CBLB: variants seen among roughly 807,000 people sequenced by gnomAD.
The protein encoded by CBLB is E3 ubiquitin-protein ligase CBL-B.
In CBLB, 31 loss-of-function variants were observed where a neutral mutation model predicts 104.9. The ratio of observed to expected loss-of-function variants is 0.30; its 90% CI spans 0.22 to 0.40. The LOEUF is 0.40. CBLB is among the 10% of genes least tolerant of loss of function. CBLB has a pLI of 1.00. For synonymous variants in CBLB, 440 were observed against 422.6 expected, an observed-to-expected ratio of 1.04 and a Z score of -0.51; for missense variants, 1,062 against 1,214.6, an observed-to-expected ratio of 0.87 and a Z score of 1.87.
chr3:105,713,789 C>T (rs890547992), intron 10 of CBLB, among the ~76,000 whole-genome samples: 1 of 152,104 alleles, frequency 6.6e-6, no homozygotes, highest in Non-Finnish European at 1.5e-5. Context: ...CACGGCTCTA[C>T]CTAAATGTTG....
chr3:105,782,457 C>T (rs1265319603), intron 3 of CBLB, among the ~76,000 whole-genome samples: 1 of 152,114 alleles, frequency 6.6e-6, no homozygotes, highest in Non-Finnish European at 1.5e-5. Context: ...GAAGATCTTA[C>T]ATTTCCTTTG....
chr3:105,661,634 T>C (rs538294304), intron 18 of CBLB, among the ~76,000 whole-genome samples: 11 of 152,284 alleles, frequency 7.2e-5, no homozygotes, highest in African/African-American at 2.6e-4. Context: ...ATGCCAGGCA[T>C]GTTTGAAAAG....
intron 3 of CBLB, among the ~76,000 whole-genome samples, chr3:105,834,823 C>T (rs546716146): frequency 3.7e-4 from 56 of 151,964 alleles, no homozygotes; most frequent in African/African-American, 1.3e-3. Context: ...GGAAGATGTG[C>T]CCTGCTTTTA....
At chr3:105,863,194 T>G (rs1367889384) in intron 2 of CBLB, among the ~76,000 whole-genome samples, 1 of 152,210 alleles carries the variant, frequency 6.6e-6, no homozygotes, top group Non-Finnish European at 1.5e-5. Context: ...CCAAGGTAAG[T>G]CTTCATATGA....
intron 3 of CBLB, among the ~76,000 whole-genome samples, chr3:105,841,516 G>A (rs1454630052): frequency 1.3e-5 from 2 of 150,238 alleles, no homozygotes; most frequent in Non-Finnish European, 3.0e-5. Context: ...GCAGTGGTGT[G>A]ATCTCGGCTC....
chr3:105,659,224 A>G lies in CBLB; in HGVS notation c.2695T>C (p.Ser899Pro), dbSNP rs771354626. 13 of 1,613,776 alleles carry G rather than the reference A, an allele frequency of 8.1e-6. No individual in the cohort carries two copies. The highest frequency in any genetic ancestry group is 2.5e-6 in the Non-Finnish European group (3 of 1,179,842). The change falls in exon 19 of 19, where the codon TCA becomes CCA. Residue 899 changes from serine to proline, a missense_variant. Transcript: ENST00000394030. Reference sequence around the variant, plus strand: ...TTAGGGGGTCTGGCTGGTGCCTGTGAACCATCTGTGTAGATTTTTAAAGAG... The same window carrying G: ...TTAGGGGGTCTGGCTGGTGCCTGTGGACCATCTGTGTAGATTTTTAAAGAG... ...YDQLPSCSDG[S>P]QAPARPPKPR...
rs746210565 is a variant in CBLB, at chr3:105,751,585, G to A, written c.600C>T (p.Cys200=). ...AGCTAATCTGGTGGACCTCATGAAG[G>A]CACTGTCTGAATACTTTCCATGGTA... ...TIVPWKVFRQ[C]LHEVHQISSG... Residue 200 remains cysteine, a synonymous_variant, in exon 5 of 19, where the codon TGC becomes TGT. Coordinates refer to ENST00000394030, the MANE Select transcript of CBLB (RefSeq NM_170662.5). The A allele has an allele frequency of 2.5e-6, 4 of 1,613,144 alleles. No homozygotes were observed. The highest frequency in any genetic ancestry group is 3.4e-6 in the Non-Finnish European group (4 of 1,179,194).
chr3:105,797,032 C>T (rs1245743166), intron 3 of CBLB, among the ~76,000 whole-genome samples: 1 of 152,176 alleles, frequency 6.6e-6, no homozygotes, highest in Non-Finnish European at 1.5e-5. Context: ...ATCTTGATTA[C>T]TCAAAGTACT....
At chr3:105,750,613 AC>A (rs1343272268) in intron 5 of CBLB, among the ~76,000 whole-genome samples, 1 of 152,226 alleles carries the variant, frequency 6.6e-6, no homozygotes. Flanking sequence ...CAGATGATAC[AC>A]ATTTTAGTGG....
At chr3:105,746,917 A>G (rs182985747) in intron 5 of CBLB, among the ~76,000 whole-genome samples, 19 of 152,342 alleles carry the variant, frequency 1.2e-4, no homozygotes, top group Admixed American at 3.9e-4. Context: ...CTAAATAGTG[A>G]CTTGTGTAAA....
intron 17 of CBLB, chr3:105,673,841 C>G (rs1181026078): frequency 6.6e-6 from 1 of 152,174 alleles, no homozygotes; most frequent in Non-Finnish European, 1.5e-5. Flanking sequence ...CCTTCTTTCC[C>G]AAATACTGTA....
At chr3:105,693,824 G>A (rs544977456) in intron 12 of CBLB, among the ~76,000 whole-genome samples, 1 of 151,994 alleles carries the variant, frequency 6.6e-6, no homozygotes, top group Admixed American at 6.6e-5. Context: ...AACACTGAGA[G>A]GGAATACTAT....
intron 10 of CBLB, among the ~76,000 whole-genome samples, chr3:105,707,250 C>T (rs1000797013): frequency 6.6e-6 from 1 of 152,074 alleles, no homozygotes; most frequent in Non-Finnish European, 1.5e-5. Context: ...TCTTGCTTAG[C>T]GCAATTCATA....
intron 10 of CBLB, among the ~76,000 whole-genome samples, chr3:105,718,918 C>T (rs1464910006): frequency 1.3e-5 from 2 of 152,190 alleles, no homozygotes; most frequent in Non-Finnish European, 2.9e-5. Context: ...CCTCTCTTGA[C>T]CACTGTATTT....
At chr3:105,718,832 A>G (rs1453049369) in intron 10 of CBLB, among the ~76,000 whole-genome samples, 1 of 152,210 alleles carries the variant, frequency 6.6e-6, no homozygotes, top group Non-Finnish European at 1.5e-5. Flanking sequence ...TGATTTTGAG[A>G]GCAAAAAATT....
chr3:105,720,277 G>GC (rs2072602214), intron 9 of CBLB, 27 bp from the exon 10 acceptor site: 2 of 1,579,554 alleles, frequency 1.3e-6, no homozygotes, highest in African/African-American at 2.7e-5. Flanking sequence ...TGCATGGATT[G>GC]GTTTTGTTCA....
chr3:105,717,151 T>C (rs2152818856), intron 10 of CBLB, among the ~76,000 whole-genome samples: 1 of 152,246 alleles, frequency 6.6e-6, no homozygotes, highest in South Asian at 2.1e-4. Flanking sequence ...CAGATACTGT[T>C]TTCTCCCAAG....
chr3:105,790,060 C>G (rs2081467498), intron 3 of CBLB, among the ~76,000 whole-genome samples: 1 of 152,168 alleles, frequency 6.6e-6, no homozygotes, highest in Admixed American at 6.5e-5. Flanking sequence ...CCAAGACTTG[C>G]AGGACTTAAT....
chr3:105,773,217 T>C (rs1340659306), intron 4 of CBLB, among the ~76,000 whole-genome samples: 1 of 152,206 alleles, frequency 6.6e-6, no homozygotes, highest in Non-Finnish European at 1.5e-5. Flanking sequence ...TAAGAAGGAA[T>C]GAAATAATGT....
Sources: allele counts gnomAD v4.1 joint callset (sites outside exome capture counted in the v4.1 genomes callset), GRCh38; gene constraint gnomAD v4.1.1; transcripts MANE v1.5; gene names NCBI Gene and HGNC (gene_info 2026-07-23, HGNC 2026-07-21).